Variants in LBH observed in about 807,000 individuals in gnomAD.
LBH encodes the protein protein LBH.
In LBH, 7 loss-of-function variants were observed where a neutral mutation model predicts 12.5. The observed-to-expected ratio is 0.56, with a 90% CI of 0.32 to 1.05. LBH has a LOEUF of 1.05. LBH is among the 50% of genes least tolerant of loss of function. The pLI, the probability that LBH is intolerant of heterozygous loss-of-function variation, is 0.04. For synonymous variants in LBH, 51 were observed against 50.1 expected, an observed-to-expected ratio of 1.02 and a Z score of -0.08; for missense variants, 119 against 138.9, an observed-to-expected ratio of 0.86 and a Z score of 0.72.
At chr2:30,231,912 A>T (rs1317340353) in intron 1 of LBH, 148 bp downstream of exon 1, 1 of 252,558 alleles carries the variant, frequency 4.0e-6, no homozygotes. Context: ...GCAGGAGTCA[A>T]CGTCAAGGTT....
chr2:30,259,978 C>T lies in LBH; in HGVS notation c.*2357C>T, dbSNP rs1433265298. The T allele has an allele frequency of 6.6e-6, 1 of 151,486 alleles. No individual in the cohort carries two copies. Among genetic ancestry groups the T allele is most frequent in the East Asian group, 1.9e-4 (1 of 5,168 alleles). The allele number at this position is 151,486 out of a possible 1,614,324, so 9.4% of individuals were successfully genotyped here. A position where few individuals can be genotyped will look rare whatever the true frequency, so the allele number is the denominator to read the frequency against. ...AAACTAGCATTTTTTTTTTTCCAAA[C>T]TACTTTTTGTCACTGTGACAGTTGT... On this transcript the variant is annotated 3_prime_UTR_variant, in exon 3 of 3. Transcript: ENST00000395323.
At chr2:30,232,155 T>C (rs1336331992) in intron 1 of LBH, 1 of 1,533,222 alleles carries the variant, frequency 6.5e-7, no homozygotes, top group East Asian at 2.5e-5. Flanking sequence ...CTTTTTCTTT[T>C]TGTTTGCATG....
intron 2 of LBH, among the ~76,000 whole-genome samples, chr2:30,242,184 A>G (rs1677801945): frequency 6.6e-6 from 1 of 152,186 alleles, no homozygotes; most frequent in Admixed American, 6.5e-5. Flanking sequence ...TTTCTTGAAA[A>G]AAGGTAAAAG....
rs769613183 is a variant in LBH, at chr2:30,232,165, G to A, written c.26+401G>A. ...CTCCTCTTTTTCTTTTTGTTTGCAT[G>A]CAAGTCTCAACGTCGAGGCCGGCAG... On this transcript the variant is annotated intron_variant, in intron 1 of 2. Transcript: ENST00000395323. 60 of 1,448,700 alleles carry A rather than the reference G, an allele frequency of 4.1e-5. No homozygotes were observed. The African/African-American group carries it at 8.4e-4, about 20-fold the overall frequency. 89.7% of individuals were successfully genotyped at this position (1,448,700 alleles called of 1,614,324 possible).
chr2:30,232,233 C>T (rs1438091570), intron 1 of LBH: 3 of 1,152,962 alleles, frequency 2.6e-6, no homozygotes, highest in East Asian at 6.6e-5. Flanking sequence ...TGCAGAGCTC[C>T]GGGGGGGTGG....
At position 30,257,911 on chromosome 2, in the gene LBH, G is replaced by A; in HGVS notation, c.*290G>A. On this transcript the variant is annotated 3_prime_UTR_variant, in exon 3 of 3. Transcript: ENST00000395323. ...GGTGAGGGGAGCGAGTGCTGTTTTT[G>A]AGATCATTATCTGAACTCAGGCAGC... 3.8e-6 allele frequency: 1 copy of A among 262,878 alleles called. No homozygotes were observed. The highest frequency in any genetic ancestry group is 6.5e-5 in the South Asian group (1 of 15,400). The allele number at this position is 262,878 out of a possible 1,614,324, so 16.3% of individuals were successfully genotyped here. A position where few individuals can be genotyped will look rare whatever the true frequency, so the allele number is the denominator to read the frequency against.
chr2:30,233,992 G>T, intron 1 of LBH, among the ~76,000 whole-genome samples: 1 of 152,252 alleles, frequency 6.6e-6, no homozygotes, highest in South Asian at 2.1e-4. Context: ...GAAAGTTCAT[G>T]TGAGGATTAT....
chr2:30,245,583 A>G (rs1220084234), intron 2 of LBH, among the ~76,000 whole-genome samples: 1 of 152,148 alleles, frequency 6.6e-6, no homozygotes, highest in Non-Finnish European at 1.5e-5. Flanking sequence ...TTCTTTGGAC[A>G]CTGTGACACA....
At chr2:30,241,761 G>A (rs1225492376) in intron 2 of LBH, among the ~76,000 whole-genome samples, 1 of 152,102 alleles carries the variant, frequency 6.6e-6, no homozygotes, top group Non-Finnish European at 1.5e-5. Context: ...ACCGCGCCCA[G>A]CCTATTTTGT....
At chr2:30,243,052 A>G (rs1474360448) in intron 2 of LBH, among the ~76,000 whole-genome samples, 2 of 152,252 alleles carry the variant, frequency 1.3e-5, no homozygotes, top group Non-Finnish European at 2.9e-5. Context: ...CCAGGGTAGA[A>G]CATCTATAAA....
At chr2:30,246,768 C>CTCTTTCTT (rs70962267) in intron 2 of LBH, among the ~76,000 whole-genome samples, 16 of 147,846 alleles carry the variant, frequency 1.1e-4, no homozygotes, top group Non-Finnish European at 1.8e-4. Flanking sequence ...TTCCTTCTTT[C>CTCTTTCTT]TCTTTCTTTC....
In LBH at chr2:30,255,986, G is replaced by A. The variant is rs190438953; in HGVS notation, c.130-1447G>A. ...TTGCTCATCTACCAAATGGAGAGGT[G>A]GGAAGAGATGGCCATGAAGGTGCCA... On this transcript the variant is annotated intron_variant, in intron 2 of 2. Transcript: ENST00000395323. Among the ~76,000 whole-genome samples the A allele has an allele frequency of 2.7e-3, 410 of 152,304 alleles. 1 individual carries two copies. Among genetic ancestry groups the A allele is most frequent in the Non-Finnish European group, 3.9e-3 (262 of 68,022 alleles).
At chr2:30,233,433 C>T (rs1158175752) in intron 1 of LBH, among the ~76,000 whole-genome samples, 2 of 152,240 alleles carry the variant, frequency 1.3e-5, no homozygotes, top group Non-Finnish European at 2.9e-5. Context: ...GAAGAGGCAT[C>T]TGGTACCCCT....
At chr2:30,247,806 C>T (rs1677900937) in intron 2 of LBH, among the ~76,000 whole-genome samples, 1 of 152,178 alleles carries the variant, frequency 6.6e-6, no homozygotes, top group Non-Finnish European at 1.5e-5. Context: ...TGCTTGCTTT[C>T]GTTTTAATCG....
intron 2 of LBH, among the ~76,000 whole-genome samples, chr2:30,240,607 A>G (rs1220890108): frequency 6.6e-6 from 1 of 152,160 alleles, no homozygotes; most frequent in Non-Finnish European, 1.5e-5. Flanking sequence ...AGCACATCAA[A>G]TCCTCTGCTT....
In LBH at chr2:30,257,873, C is replaced by G; in HGVS notation, c.*252C>G. ...TCTGAGAAAGGAAGCTGCTTAGAGC[C>G]AGGGGGTTAGTGGGTGAGGGGAGCG... On this transcript the variant is annotated 3_prime_UTR_variant, in exon 3 of 3. Transcript: ENST00000395323. 2 of 342,166 alleles carry G rather than the reference C, an allele frequency of 5.8e-6. No homozygotes were observed. The highest frequency in any genetic ancestry group is 7.7e-5 in the South Asian group (2 of 25,810). 21.2% of individuals were successfully genotyped at this position (342,166 alleles called of 1,614,324 possible). A position where few individuals can be genotyped will look rare whatever the true frequency, so the allele number is the denominator to read the frequency against.
intron 2 of LBH, among the ~76,000 whole-genome samples, chr2:30,256,967 T>C (rs1409340729): frequency 6.6e-6 from 1 of 152,202 alleles, no homozygotes; most frequent in Non-Finnish European, 1.5e-5. Flanking sequence ...GGGTTGGAAG[T>C]GATATATGTA....
At chr2:30,255,633 T>A (rs1218006016) in intron 2 of LBH, among the ~76,000 whole-genome samples, 1 of 152,204 alleles carries the variant, frequency 6.6e-6, no homozygotes, top group Non-Finnish European at 1.5e-5. Context: ...AAGCCCCACG[T>A]GGCCTGTGAT....
intron 2 of LBH, among the ~76,000 whole-genome samples, chr2:30,251,384 C>T (rs990656797): frequency 1.3e-5 from 2 of 152,100 alleles, no homozygotes; most frequent in African/African-American, 2.4e-5. Flanking sequence ...CTTCCTGCTA[C>T]GAAGCCTTGA....
Sources: gnomAD v4.1 joint callset for allele counts (sites outside exome capture counted in the v4.1 genomes callset) on GRCh38, gnomAD v4.1.1 for gene constraint, MANE v1.5 for transcripts, NCBI Gene and HGNC (gene_info 2026-07-23, HGNC 2026-07-21) for gene names.